MACROD2: variants seen among roughly 807,000 people sequenced by gnomAD.
MACROD2 encodes the protein mono-ADP ribosylhydrolase 2.
Under a neutral mutation model 70.4 loss-of-function variants are expected in MACROD2, and 36 were observed. The observed-to-expected ratio is 0.51, with a 90% CI of 0.39 to 0.68. The LOEUF (loss-of-function observed/expected upper bound fraction) is 0.68, where lower values mean the gene tolerates loss of function less well. Among genes scored for constraint, MACROD2 ranks in the 30% least tolerant of loss-of-function variants. The pLI, the probability that MACROD2 is intolerant of heterozygous loss-of-function variation, is 0.00. For missense variants in MACROD2, 496 were observed against 538.4 expected, an observed-to-expected ratio of 0.92 and a Z score of 0.78; for synonymous variants, 172 against 178.8, an observed-to-expected ratio of 0.96 and a Z score of 0.30.
In MACROD2 at chr20:15,600,078, A is replaced by T. The variant is rs539761904; in HGVS notation, c.645+100231A>T. Among the ~76,000 whole-genome samples the T allele has an allele frequency of 2.7e-4, 41 of 152,082 alleles. No homozygotes were observed. The South Asian group carries it at 4.2e-3, about 15-fold the overall frequency. On this transcript the variant is annotated intron_variant, in intron 8 of 17. Transcript: ENST00000684519. ...GCCCTCAATGGTGCACCTTCCCCTC[A>T]CCTAGAAGCAGTGCAAGTGGTTAAT... is the stretch of plus-strand genomic sequence containing the variant.
At chr20:15,727,492 G>C (rs1401030958) in intron 8 of MACROD2, among the ~76,000 whole-genome samples, 2 of 151,968 alleles carry the variant, frequency 1.3e-5, no homozygotes, top group African/African-American at 4.8e-5. Context: ...TTGGTAGTTT[G>C]ATAGGAATAG....
intron 5 of MACROD2, among the ~76,000 whole-genome samples, chr20:14,921,295 G>T (rs1033052001): frequency 2.6e-5 from 4 of 152,150 alleles, no homozygotes; most frequent in Admixed American, 2.0e-4. Flanking sequence ...TCCAACACTT[G>T]TTGGCCATGG....
intron 8 of MACROD2, among the ~76,000 whole-genome samples, chr20:15,642,754 T>C (rs1323143970): frequency 1.3e-5 from 2 of 152,078 alleles, no homozygotes; most frequent in Admixed American, 6.6e-5. Context: ...TCCTGTCTTC[T>C]GTGTGTGTTT....
rs2064236266 is a variant in MACROD2 at position 15,846,860 on chromosome 20, T to TAA, written c.646-15881_646-15880dup. 4.0e-5 allele frequency among the ~76,000 whole-genome samples: 6 copies of TAA among 149,432 alleles called. No homozygotes were observed. In the South Asian group the frequency reaches 1.3e-3, roughly 31 times the overall value. On this transcript the variant is annotated intron_variant, in intron 8 of 17. Transcript: ENST00000684519. Reference sequence around the variant, plus strand: ...AAGAAAAAACAACAAAATAACTCCTTAAAAACAAGGGCTTTTTCTAAAGTG... The same window carrying TAA: ...AAGAAAAAACAACAAAATAACTCCTTAAAAAAACAAGGGCTTTTTCTAAAGTG...
intron 8 of MACROD2, among the ~76,000 whole-genome samples, chr20:15,644,216 T>A (rs1055373711): frequency 6.6e-6 from 1 of 152,172 alleles, no homozygotes; most frequent in African/African-American, 2.4e-5. Context: ...TAATATAGCA[T>A]ACAGTGCTGA....
intron 17 of MACROD2, among the ~76,000 whole-genome samples, chr20:16,045,317 T>A (rs1177356650): frequency 6.6e-6 from 1 of 152,140 alleles, no homozygotes; most frequent in African/African-American, 2.4e-5. Flanking sequence ...CAGTAGAGAC[T>A]AAAATATATT....
chr20:15,634,962 T>C (rs1435378620), intron 8 of MACROD2, among the ~76,000 whole-genome samples: 1 of 152,218 alleles, frequency 6.6e-6, no homozygotes, highest in Admixed American at 6.5e-5. Context: ...TCTGTGGCTG[T>C]CAGACTTGGC....
intron 2 of MACROD2, among the ~76,000 whole-genome samples, chr20:14,042,356 A>T (rs1170051624): frequency 6.6e-6 from 1 of 152,142 alleles, no homozygotes; most frequent in Non-Finnish European, 1.5e-5. Context: ...TGCAGTGGAA[A>T]AAACACACTC....
chr20:14,337,340 C>A, intron 3 of MACROD2: 65 of 240,276 alleles, frequency 2.7e-4, no homozygotes, highest in Non-Finnish European at 3.2e-4. Flanking sequence ...TCGTTTCTTT[C>A]TAGAGAGTAA....
At chr20:15,407,072 T>C (rs982125733) in intron 6 of MACROD2, among the ~76,000 whole-genome samples, 3 of 152,336 alleles carry the variant, frequency 2.0e-5, no homozygotes, top group East Asian at 3.9e-4. Context: ...TCCTAGCTCC[T>C]GCACTCCCCT....
At chr20:14,167,910 G>T (rs571122938) in intron 3 of MACROD2, among the ~76,000 whole-genome samples, 7 of 152,086 alleles carry the variant, frequency 4.6e-5, no homozygotes, top group Admixed American at 2.0e-4. Context: ...TGTATAAAGC[G>T]TAATAATTGG....
chr20:16,006,729 G>A (rs978733247), intron 15 of MACROD2, among the ~76,000 whole-genome samples: 2 of 152,070 alleles, frequency 1.3e-5, no homozygotes, highest in East Asian at 1.9e-4. Flanking sequence ...TGGGAGGCTC[G>A]GAGGCTCAGG....
intron 5 of MACROD2, among the ~76,000 whole-genome samples, chr20:14,766,265 C>T (rs978689300): frequency 6.6e-6 from 1 of 152,100 alleles, no homozygotes; most frequent in African/African-American, 2.4e-5. Flanking sequence ...CCATGCTATA[C>T]TTCCCTCATT....
intron 6 of MACROD2, among the ~76,000 whole-genome samples, chr20:15,300,255 G>C (rs2077629532): frequency 6.6e-6 from 1 of 152,036 alleles, no homozygotes; most frequent in Non-Finnish European, 1.5e-5. Flanking sequence ...TCATATTTAG[G>C]CCTTGCAAAG....
intron 3 of MACROD2, among the ~76,000 whole-genome samples, chr20:14,200,731 C>A (rs1046722659): frequency 1.3e-5 from 2 of 152,122 alleles, no homozygotes; most frequent in Non-Finnish European, 2.9e-5. Flanking sequence ...TCATTGTCAT[C>A]TCTTGATTTT....
chr20:14,800,071 C>CT (rs1568802846), intron 5 of MACROD2, among the ~76,000 whole-genome samples: 1 of 72,882 alleles, frequency 1.4e-5, no homozygotes, highest in African/African-American at 6.5e-5. Flanking sequence ...ACCACCTTTG[C>CT]TGAGGTCACT....
intron 7 of MACROD2, among the ~76,000 whole-genome samples, chr20:15,496,666 C>T (rs2047302157): frequency 6.6e-6 from 1 of 152,154 alleles, no homozygotes; most frequent in Non-Finnish European, 1.5e-5. Context: ...ACATACCTAA[C>T]ATTTGGAGAA....
At chr20:15,965,852 T>A (rs1471837542) in intron 12 of MACROD2, among the ~76,000 whole-genome samples, 1 of 152,178 alleles carries the variant, frequency 6.6e-6, no homozygotes, top group East Asian at 1.9e-4. Context: ...AAATTTGGAC[T>A]TTTAGACTTA....
chr20:14,659,767 C>G (rs1986140264), intron 4 of MACROD2, among the ~76,000 whole-genome samples: 1 of 152,092 alleles, frequency 6.6e-6, no homozygotes, highest in African/African-American at 2.4e-5. Flanking sequence ...TCACTTAGAG[C>G]TCCTTAAAAT....
Sources: gnomAD v4.1 joint callset for allele counts (sites outside exome capture counted in the v4.1 genomes callset) on GRCh38, gnomAD v4.1.1 for gene constraint, MANE v1.5 for transcripts, NCBI Gene and HGNC (gene_info 2026-07-23, HGNC 2026-07-21) for gene names.